The following TMEM181 variants were observed in gnomAD, a reference collection of about 807,000 sequenced individuals.
The protein encoded by TMEM181 is transmembrane protein 181.
TMEM181 carries 39 observed loss-of-function variants against 71.9 expected under a neutral mutation model. The observed-to-expected ratio is 0.54, with a 90% CI of 0.42 to 0.71. TMEM181 has a LOEUF of 0.71. Among genes scored for constraint, TMEM181 ranks in the 30% least tolerant of loss-of-function variants. TMEM181 has a pLI of 0.00. For missense variants in TMEM181, 595 were observed against 583.0 expected (o/e 1.02, Z -0.21); for synonymous variants, 245 against 228.8 (o/e 1.07, Z -0.64).
chr6:158,624,435 G>A (rs1024907094), intron 11 of TMEM181, among the ~76,000 whole-genome samples: 4 of 152,240 alleles, frequency 2.6e-5, no homozygotes, highest in African/African-American at 9.6e-5. Flanking sequence ...AGGGGTGGGG[G>A]GATGGCGTGG....
chr6:158,596,167 G>A (rs1391748771), intron 6 of TMEM181, among the ~76,000 whole-genome samples: 4 of 152,074 alleles, frequency 2.6e-5, no homozygotes, highest in African/African-American at 7.2e-5. Context: ...TGATCCGCCC[G>A]CCTAGTCTCC....
At chr6:158,544,491 G>T (rs534673285) in intron 1 of TMEM181, among the ~76,000 whole-genome samples, 57 of 152,212 alleles carry the variant, frequency 3.7e-4, no homozygotes, top group African/African-American at 1.3e-3. Context: ...TGTGTGCTGG[G>T]GTATCACGGT....
At chr6:158,621,189 G>A (rs1346222226) in intron 10 of TMEM181, among the ~76,000 whole-genome samples, 2 of 152,202 alleles carry the variant, frequency 1.3e-5, no homozygotes, top group South Asian at 2.1e-4. Context: ...TGGTATGAGT[G>A]TGAAGTTTGG....
At chr6:158,591,776 G>C (rs939376629) in intron 6 of TMEM181, among the ~76,000 whole-genome samples, 2 of 152,022 alleles carry the variant, frequency 1.3e-5, no homozygotes, top group Non-Finnish European at 2.9e-5. Flanking sequence ...CCTTTCTCCA[G>C]AAGCTGTAGT....
intron 6 of TMEM181, among the ~76,000 whole-genome samples, chr6:158,597,958 G>T (rs1784470047): frequency 6.6e-6 from 1 of 152,180 alleles, no homozygotes; most frequent in South Asian, 2.1e-4. Context: ...ACTGTAGCAA[G>T]TGGTGCTCCT....
At chr6:158,591,817 C>T (rs867322177) in intron 6 of TMEM181, among the ~76,000 whole-genome samples, 7 of 152,012 alleles carry the variant, frequency 4.6e-5, no homozygotes, top group African/African-American at 9.7e-5. Flanking sequence ...GGGTGTGGGC[C>T]GCTGTTTTGT....
At chr6:158,604,674 T>TAAACTTTGTAACAAC (rs1370098329) in intron 6 of TMEM181, among the ~76,000 whole-genome samples, 2 of 152,246 alleles carry the variant, frequency 1.3e-5, no homozygotes, top group African/African-American at 4.8e-5. Context: ...AGGTTTTACT[T>TAAACTTTGTAACAAC]AAACTTTGTA....
intron 1 of TMEM181, among the ~76,000 whole-genome samples, chr6:158,545,995 G>A (rs1173599730): frequency 6.6e-6 from 1 of 152,190 alleles, no homozygotes; most frequent in African/African-American, 2.4e-5. Context: ...AGTTTTGCTC[G>A]TAAGTGAAGA....
intron 1 of TMEM181, among the ~76,000 whole-genome samples, chr6:158,567,033 C>T (rs1410228157): frequency 6.6e-6 from 1 of 152,146 alleles, no homozygotes; most frequent in Non-Finnish European, 1.5e-5. Context: ...AGAAAGGGCC[C>T]AAAGAGTCAA....
intron 2 of TMEM181, 142 bp downstream of exon 2, chr6:158,573,665 G>C: frequency 1.4e-6 from 1 of 705,386 alleles, no homozygotes; most frequent in Non-Finnish European, 2.4e-6. Flanking sequence ...GGGTGGATGG[G>C]GTCCCAGCCC....
intron 2 of TMEM181, among the ~76,000 whole-genome samples, chr6:158,576,847 C>T (rs113959807): frequency 7.2e-5 from 11 of 151,762 alleles, no homozygotes; most frequent in East Asian, 1.9e-4. Flanking sequence ...TGGATCACGA[C>T]GTCAGGAGAT....
rs1786848774 is a variant in TMEM181 at position 158,634,711 on chromosome 6, C to T, written c.*2823C>T. Reference sequence around the variant, plus strand: ...CAAGGTTTGTAAGGTTGTTAATGTACATAATTGCAGATTGCAATAAAAGCT... The same window carrying T: ...CAAGGTTTGTAAGGTTGTTAATGTATATAATTGCAGATTGCAATAAAAGCT... On this transcript the variant is annotated 3_prime_UTR_variant, in exon 17 of 17. Coordinates refer to ENST00000684151, the MANE Select transcript of TMEM181 (RefSeq NM_001376852.1). 6.6e-6 allele frequency: 1 copy of T among 152,156 alleles called. No homozygotes were observed. Among genetic ancestry groups the T allele is most frequent in the South Asian group, 2.1e-4 (1 of 4,826 alleles). The allele number at this position is 152,156 out of a possible 1,614,324, so 9.4% of individuals were successfully genotyped here.
intron 6 of TMEM181, among the ~76,000 whole-genome samples, chr6:158,596,352 C>CGT (rs1784391171): frequency 6.6e-6 from 1 of 152,168 alleles, no homozygotes; most frequent in Non-Finnish European, 1.5e-5. Context: ...TCAGCAGTGC[C>CGT]GTGTGTGGCT....
intron 11 of TMEM181, among the ~76,000 whole-genome samples, chr6:158,624,013 C>T (rs1583052742): frequency 6.6e-6 from 1 of 152,202 alleles, no homozygotes; most frequent in African/African-American, 2.4e-5. Flanking sequence ...CTACCCATCT[C>T]GGCCTCCCAA....
intron 1 of TMEM181, among the ~76,000 whole-genome samples, chr6:158,562,521 C>T (rs567810143): frequency 1.3e-5 from 2 of 150,634 alleles, no homozygotes; most frequent in African/African-American, 4.9e-5. Flanking sequence ...TTTTATGTGT[C>T]TTTTTCATCC....
chr6:158,601,553 G>A (rs540980842), intron 6 of TMEM181, among the ~76,000 whole-genome samples: 9 of 152,200 alleles, frequency 5.9e-5, no homozygotes, highest in Non-Finnish European at 1.2e-4. Flanking sequence ...AAGGTCAGGA[G>A]TTCAAGACCA....
rs148078251 is a variant in TMEM181, at chr6:158,627,660, C to T, written c.1110-748C>T. On this transcript the variant is annotated intron_variant, in intron 13 of 16. Transcript: ENST00000684151. ...GCATGGCGAGGTGGAGAGACAGCTG[C>T]GTCGCTGGAGGCCAGCGTGGCTGGA... Among the ~76,000 whole-genome samples, 55 of 152,334 alleles carry T rather than the reference C, an allele frequency of 3.6e-4. 1 individual carries two copies. The East Asian group carries it at 7.3e-3, about 20-fold the overall frequency.
chr6:158,624,973 T>C, intron 11 of TMEM181, 131 bp from the exon 12 acceptor site: 1 of 742,586 alleles, frequency 1.3e-6, no homozygotes, highest in South Asian at 1.6e-5. Flanking sequence ...CCCATTGTTC[T>C]GCTTCCTGGA....
At chr6:158,608,592 A>G in intron 9 of TMEM181, 67 bp from the exon 10 acceptor site, 1 of 1,597,798 alleles carries the variant, frequency 6.3e-7, no homozygotes, top group Non-Finnish European at 8.5e-7. Flanking sequence ...TCAATGGAAA[A>G]ATCACGTTAT....
Sources: gnomAD v4.1 joint callset for allele counts (sites outside exome capture counted in the v4.1 genomes callset) on GRCh38, gnomAD v4.1.1 for gene constraint, MANE v1.5 for transcripts, NCBI Gene and HGNC (gene_info 2026-07-23, HGNC 2026-07-21) for gene names.